The following RHOJ variants were observed in gnomAD, a reference collection of about 807,000 sequenced individuals.
The protein encoded by RHOJ is ras homolog family member J.
In RHOJ, 11 loss-of-function variants were observed where a neutral mutation model predicts 23.4. That is an observed-to-expected ratio of 0.47 (90% confidence interval 0.30 to 0.78). The LOEUF (loss-of-function observed/expected upper bound fraction) is 0.78. RHOJ is among the 30% of genes least tolerant of loss of function. RHOJ has a pLI of 0.08. For synonymous variants in RHOJ, 102 were observed against 102.7 expected (o/e 0.99, Z 0.04); for missense variants, 254 against 273.4 (o/e 0.93, Z 0.50).
At chr14:63,266,826 G>T (rs1282111529) in intron 1 of RHOJ, among the ~76,000 whole-genome samples, 2 of 152,080 alleles carry the variant, frequency 1.3e-5, no homozygotes, top group East Asian at 3.9e-4. Flanking sequence ...GGTTTTCTAG[G>T]TATAGAATCA....
intron 1 of RHOJ, among the ~76,000 whole-genome samples, chr14:63,246,836 G>C (rs952625210): frequency 2.6e-5 from 4 of 152,212 alleles, no homozygotes; most frequent in African/African-American, 9.6e-5. Context: ...GGAATGGAGG[G>C]TGGGCAGCTA....
chr14:63,290,987 G>A lies in RHOJ; in HGVS notation c.608G>A (p.Arg203His), dbSNP rs547164963. The A allele has an allele frequency of 2.6e-5, 42 of 1,614,106 alleles. No homozygotes were observed. The highest frequency in any genetic ancestry group is 1.1e-4 in the South Asian group (10 of 91,076). The change falls in exon 5 of 5, where the codon CGC (arginine) becomes CAC (histidine). Residue 203 changes from arginine (R) to histidine (H), a missense_variant. Physicochemically the swap from Arg to His is conservative, Grantham distance 29. Transcript: ENST00000316754. Reference sequence around the variant, plus strand: ...TTCCACCCCAAGAAAAAGAAGAAACGCTGTTCTGAGGGTCACAGCTGCTGT... The same window carrying A: ...TTCCACCCCAAGAAAAAGAAGAAACACTGTTCTGAGGGTCACAGCTGCTGT... The part of the protein sequence containing the change: ...TIFHPKKKKK[R>H]CSEGHSCCSI...
intron 1 of RHOJ, among the ~76,000 whole-genome samples, chr14:63,253,173 G>A (rs1033880053): frequency 1.3e-5 from 2 of 152,078 alleles, no homozygotes; most frequent in African/African-American, 2.4e-5. Context: ...GTCTGTTATC[G>A]GTCCTGAGCC....
At chr14:63,230,859 T>A (rs892550981) in intron 1 of RHOJ, among the ~76,000 whole-genome samples, 1 of 149,494 alleles carries the variant, frequency 6.7e-6, no homozygotes, top group Non-Finnish European at 1.5e-5. Context: ...TTTTTTTTTT[T>A]AGATGGAGTC....
At position 63,292,812 on chromosome 14, in the gene RHOJ, G is replaced by A. The variant is rs1882291562; in HGVS notation, c.*1788G>A. 6.6e-6 allele frequency: 1 copy of A among 151,996 alleles called. No individual in the cohort carries two copies. The highest frequency in any genetic ancestry group is 1.5e-5 in the Non-Finnish European group (1 of 68,034). The allele number at this position is 151,996 out of a possible 1,614,324, so 9.4% of individuals were successfully genotyped here. On this transcript the variant is annotated 3_prime_UTR_variant, in exon 5 of 5. Coordinates refer to ENST00000316754, the MANE Select transcript of RHOJ (RefSeq NM_020663.5). The stretch of plus-strand genomic sequence containing the variant: ...TAAAAAAATTAAAAATTAGTCAGTT[G>A]TAGTGACACATACCTGTAGTCCCAG...
At position 63,290,865 on chromosome 14, in the gene RHOJ, T is replaced by G. The variant is rs754733499; in HGVS notation, c.499-13T>G. 2 of 1,600,620 alleles carry G rather than the reference T, an allele frequency of 1.2e-6. No individual in the cohort carries two copies. On this transcript the variant is annotated splice_polypyrimidine_tract_variant and intron_variant, in intron 4 of 4. Transcript: ENST00000316754. ...TTTTTATCTCTCATGCCTTTCTCTC[T>G]TTTGTGTTTAAGATCGGAGCACAGT...
chr14:63,229,077 C>A (rs1350448715), intron 1 of RHOJ, among the ~76,000 whole-genome samples: 1 of 152,186 alleles, frequency 6.6e-6, no homozygotes, highest in Non-Finnish European at 1.5e-5. Context: ...GGCATGGTGC[C>A]TGCTTCATAC....
intron 2 of RHOJ, 130 bp downstream of exon 2, chr14:63,269,298 T>C: frequency 1.7e-6 from 1 of 597,362 alleles, no homozygotes; most frequent in Non-Finnish European, 2.9e-6. Context: ...ATTTATTGTC[T>C]GCCTAAATGA....
intron 1 of RHOJ, among the ~76,000 whole-genome samples, chr14:63,247,173 G>C (rs1454830491): frequency 6.6e-6 from 1 of 152,094 alleles, no homozygotes; most frequent in Non-Finnish European, 1.5e-5. Context: ...AGAAAAAGTT[G>C]GTAGAATTGT....
intron 1 of RHOJ, among the ~76,000 whole-genome samples, chr14:63,239,373 A>G (rs1894845778): frequency 2.0e-5 from 3 of 152,060 alleles, no homozygotes; most frequent in South Asian, 2.1e-4. Context: ...CAGCCTCCCA[A>G]AGTGCTAGGA....
chr14:63,266,203 C>T (rs895741084), intron 1 of RHOJ, among the ~76,000 whole-genome samples: 2 of 152,140 alleles, frequency 1.3e-5, no homozygotes, highest in African/African-American at 4.8e-5. Flanking sequence ...GGCTTGTTCT[C>T]TTTCATGTGA....
chr14:63,222,676 GT>G (rs1894520198), intron 1 of RHOJ, among the ~76,000 whole-genome samples: 2 of 152,034 alleles, frequency 1.3e-5, no homozygotes, highest in South Asian at 2.1e-4. Flanking sequence ...GGGGTTGTTT[GT>G]TTTTTTCCTG....
intron 3 of RHOJ, among the ~76,000 whole-genome samples, chr14:63,281,619 C>T (rs910616313): frequency 1.3e-5 from 2 of 152,098 alleles, no homozygotes; most frequent in African/African-American, 4.8e-5. Flanking sequence ...TCACCATTGT[C>T]TATTCCTTTT....
At chr14:63,261,598 ATT>A (rs113442479) in intron 1 of RHOJ, among the ~76,000 whole-genome samples, 46 of 137,908 alleles carry the variant, frequency 3.3e-4, no homozygotes, top group South Asian at 9.4e-4. Context: ...TGCCCAGCTA[ATT>A]TTTTTTTTTT....
At chr14:63,248,168 G>A (rs1895009299) in intron 1 of RHOJ, among the ~76,000 whole-genome samples, 2 of 152,252 alleles carry the variant, frequency 1.3e-5, no homozygotes, top group African/African-American at 2.4e-5. Context: ...GACTAGGTGT[G>A]TTAGTCTTGA....
intron 1 of RHOJ, among the ~76,000 whole-genome samples, chr14:63,255,700 G>A (rs938970667): frequency 1.1e-4 from 17 of 152,056 alleles, no homozygotes; most frequent in African/African-American, 3.4e-4. Flanking sequence ...ACCAATCCAG[G>A]TGTGAGCTTT....
At chr14:63,264,523 G>T (rs1233924110) in intron 1 of RHOJ, among the ~76,000 whole-genome samples, 1 of 152,082 alleles carries the variant, frequency 6.6e-6, no homozygotes, top group Non-Finnish European at 1.5e-5. Flanking sequence ...TTTGGTCTTT[G>T]GTTTTTTTGG....
intron 1 of RHOJ, among the ~76,000 whole-genome samples, chr14:63,215,613 G>T (rs1012390792): frequency 6.6e-6 from 1 of 151,522 alleles, no homozygotes. Flanking sequence ...CAAGAAAACC[G>T]AAGCTCAGAG....
intron 1 of RHOJ, among the ~76,000 whole-genome samples, chr14:63,263,322 A>G (rs1443210302): frequency 6.6e-6 from 1 of 152,154 alleles, no homozygotes; most frequent in Non-Finnish European, 1.5e-5. Context: ...TGACTGACTG[A>G]TTTCCAAATT....
Sources: gnomAD v4.1 joint callset for allele counts (sites outside exome capture counted in the v4.1 genomes callset) on GRCh38, gnomAD v4.1.1 for gene constraint, MANE v1.5 for transcripts, NCBI Gene and HGNC (gene_info 2026-07-23, HGNC 2026-07-21) for gene names.